The following ITGA1 variants were observed in gnomAD, a reference collection of about 807,000 sequenced individuals.
ITGA1 encodes integrin alpha-1.
ITGA1 carries 85 observed loss-of-function variants against 145.9 expected under a neutral mutation model. The ratio of observed to expected loss-of-function variants is 0.58; its 90% CI spans 0.49 to 0.70. The LOEUF (loss-of-function observed/expected upper bound fraction) is 0.70. Among genes scored for constraint, ITGA1 ranks in the 30% least tolerant of loss-of-function variants. The pLI, the probability that ITGA1 is intolerant of heterozygous loss-of-function variation, is 0.00. For synonymous variants in ITGA1, 520 were observed against 495.3 expected (o/e 1.05, Z -0.66); for missense variants, 1,351 against 1,418.7 (o/e 0.95, Z 0.77).
At chr5:52,898,456 G>A (rs1458533343) in intron 11 of ITGA1, 73 bp downstream of exon 11, 1 of 1,284,942 alleles carries the variant, frequency 7.8e-7, no homozygotes, top group Non-Finnish European at 1.1e-6. Flanking sequence ...ATTTGCTTAT[G>A]TTTCTATAGG....
chr5:52,933,857 T>C, intron 22 of ITGA1, 37 bp from the exon 23 acceptor site: 1 of 1,050,182 alleles, frequency 9.5e-7, no homozygotes, highest in African/African-American at 1.6e-5. Context: ...AGTTAAACTT[T>C]GTTATGTTTT....
intron 2 of ITGA1, among the ~76,000 whole-genome samples, chr5:52,853,000 G>A (rs78568142): frequency 6.6e-6 from 1 of 152,148 alleles, no homozygotes; most frequent in Non-Finnish European, 1.5e-5. Context: ...ATATTTAAAA[G>A]TAAATGTTGT....
intron 20 of ITGA1, among the ~76,000 whole-genome samples, chr5:52,928,411 A>C (rs2938790): frequency 0.83 from 126,818 of 152,196 alleles, 53,177 homozygotes; most frequent in African/African-American, 0.92. Flanking sequence ...TTCTAAAAAA[A>C]AATTGCCTTA....
chr5:52,939,485 T>C (rs1751021034), intron 24 of ITGA1, 105 bp from the exon 25 acceptor site: 1 of 724,270 alleles, frequency 1.4e-6, no homozygotes, highest in African/African-American at 1.8e-5. Context: ...ATCTCTAATA[T>C]ATGGCAATGG....
intron 1 of ITGA1, among the ~76,000 whole-genome samples, chr5:52,839,934 A>C (rs1380702396): frequency 2.0e-5 from 3 of 152,198 alleles, no homozygotes; most frequent in African/African-American, 7.2e-5. Flanking sequence ...TCAAAAGCTC[A>C]CATCCAAGTC....
intron 1 of ITGA1, among the ~76,000 whole-genome samples, chr5:52,791,449 T>A (rs6878212): frequency 0.26 from 39,846 of 151,994 alleles, 5,555 homozygotes; most frequent in Non-Finnish European, 0.31. Context: ...GTGACAAAAT[T>A]GAAGCCCAGC....
At chr5:52,899,382 TAAG>T (rs1750280453) in intron 11 of ITGA1, among the ~76,000 whole-genome samples, 1 of 152,152 alleles carries the variant, frequency 6.6e-6, no homozygotes, top group South Asian at 2.1e-4. Context: ...CAGCAGGACT[TAAG>T]AAGAATAAAA....
At chr5:52,813,575 C>T (rs1748716697) in intron 1 of ITGA1, among the ~76,000 whole-genome samples, 1 of 152,190 alleles carries the variant, frequency 6.6e-6, no homozygotes, top group African/African-American at 2.4e-5. Context: ...CTGTGTAAGG[C>T]AATGCAGCTG....
chr5:52,835,513 A>AT (rs1358239831), intron 1 of ITGA1, among the ~76,000 whole-genome samples: 2 of 152,172 alleles, frequency 1.3e-5, no homozygotes, highest in African/African-American at 4.8e-5. Flanking sequence ...GGAACTGCGC[A>AT]TATTGAAGGG....
At chr5:52,920,268 CT>C (rs761948821) in intron 16 of ITGA1, 63 bp from the exon 17 acceptor site, 208 of 1,258,584 alleles carry the variant, frequency 1.7e-4, no homozygotes, top group Non-Finnish European at 2.0e-4. Flanking sequence ...ATTTAATAAT[CT>C]GTACAATATG....
chr5:52,855,388 A>G (rs1375790449), intron 2 of ITGA1, among the ~76,000 whole-genome samples: 1 of 152,138 alleles, frequency 6.6e-6, no homozygotes, highest in East Asian at 1.9e-4. Context: ...CTGGTCACAT[A>G]AGTATAAATT....
chr5:52,847,210 CTT>C lies in ITGA1; in HGVS notation c.62-2153_62-2152del, dbSNP rs1368416864. ...TTCTAGGTAGGGAGGTCAAGAAAGA[CTT>C]TACAAATAGATATATGGGTGTATCT... On this transcript the variant is annotated intron_variant, in intron 1 of 28. Coordinates refer to ENST00000282588, the MANE Select transcript of ITGA1 (RefSeq NM_181501.2). Among the ~76,000 whole-genome samples, 3 of 152,068 alleles carry C rather than the reference CTT, an allele frequency of 2.0e-5. No homozygotes were observed. In the East Asian group the frequency reaches 5.8e-4, roughly 29 times the overall value.
At chr5:52,809,854 C>G (rs763528183) in intron 1 of ITGA1, among the ~76,000 whole-genome samples, 13 of 152,104 alleles carry the variant, frequency 8.5e-5, no homozygotes, top group African/African-American at 1.2e-4. Flanking sequence ...TCTGTAATCC[C>G]TGATCTCTCT....
intron 7 of ITGA1, among the ~76,000 whole-genome samples, chr5:52,883,409 C>A (rs1749996600): frequency 6.6e-6 from 1 of 152,186 alleles, no homozygotes; most frequent in African/African-American, 2.4e-5. Flanking sequence ...CTGTGTTTCA[C>A]AAAGGGTATA....
intron 6 of ITGA1, among the ~76,000 whole-genome samples, chr5:52,867,505 G>C (rs139248005): frequency 6.6e-6 from 1 of 152,040 alleles, no homozygotes; most frequent in African/African-American, 2.4e-5. Context: ...TTTTTATCCC[G>C]TCTTGCTACA....
At chr5:52,871,742 A>C (rs1385158010) in intron 6 of ITGA1, among the ~76,000 whole-genome samples, 1 of 152,218 alleles carries the variant, frequency 6.6e-6, no homozygotes, top group African/African-American at 2.4e-5. Context: ...AGAGTTACTC[A>C]AAATCCATTC....
chr5:52,809,453 C>T (rs1748648765), intron 1 of ITGA1, among the ~76,000 whole-genome samples: 1 of 151,340 alleles, frequency 6.6e-6, no homozygotes, highest in East Asian at 1.9e-4. Flanking sequence ...CTAGAGAGAT[C>T]AGGTGAAGGG....
At chr5:52,825,431 C>T (rs374126001) in intron 1 of ITGA1, among the ~76,000 whole-genome samples, 3 of 152,090 alleles carry the variant, frequency 2.0e-5, no homozygotes, top group Non-Finnish European at 2.9e-5. Flanking sequence ...TGGTAATTCT[C>T]GCAATTTCAA....
chr5:52,901,128 A>G (rs973159923), intron 11 of ITGA1, among the ~76,000 whole-genome samples: 8 of 152,182 alleles, frequency 5.3e-5, no homozygotes, highest in Admixed American at 1.3e-4. Context: ...TAAAAATCAG[A>G]GAACCTCTCC....
Sources: allele counts gnomAD v4.1 joint callset (sites outside exome capture counted in the v4.1 genomes callset), GRCh38; gene constraint gnomAD v4.1.1; transcripts MANE v1.5; gene names NCBI Gene and HGNC (gene_info 2026-07-23, HGNC 2026-07-21).